CCDC169: variants seen among roughly 807,000 people sequenced by gnomAD.
CCDC169 encodes the protein coiled-coil domain containing 169.
Under a neutral mutation model 36.0 loss-of-function variants are expected in CCDC169, and 30 were observed. The observed-to-expected ratio is 0.83, with a 90% CI of 0.62 to 1.13. CCDC169 has a LOEUF of 1.13. CCDC169 is among the 50% of genes most tolerant of loss of function. The probability of loss-of-function intolerance (pLI) is 0.00; values close to 1 mark genes in which losing one functional copy is unlikely to be tolerated. For synonymous variants in CCDC169, 85 were observed against 81.5 expected (o/e 1.04, Z -0.23); for missense variants, 245 against 245.9 (o/e 1.00, Z 0.03).
downstream of CCDC169, chr13:36,224,613 A>T (rs765880639): frequency 6.6e-6 from 1 of 152,204 alleles, no homozygotes; most frequent in Non-Finnish European, 1.5e-5. Flanking sequence ...TATAAGGAGA[A>T]CTATAAAACA....
chr13:36,295,967 T>C, intron 1 of CCDC169, 110 bp from the exon 2 acceptor site: 1 of 627,772 alleles, frequency 1.6e-6, no homozygotes. Flanking sequence ...TGACACATTA[T>C]TTACTGAAGG....
intron 4 of CCDC169, among the ~76,000 whole-genome samples, chr13:36,272,471 C>T (rs551811009): frequency 6.6e-6 from 1 of 152,240 alleles, no homozygotes; most frequent in South Asian, 2.1e-4. Flanking sequence ...CTCAATTAAC[C>T]TTCCTGTCCT....
At chr13:36,295,951 T>G in intron 1 of CCDC169, 94 bp from the exon 2 acceptor site, 1 of 679,730 alleles carries the variant, frequency 1.5e-6, no homozygotes, top group Non-Finnish European at 2.5e-6. Context: ...CAGGAACAAT[T>G]TACTATGACA....
chr13:36,285,284 C>T (rs749576384), intron 2 of CCDC169, among the ~76,000 whole-genome samples: 21 of 152,120 alleles, frequency 1.4e-4, no homozygotes, highest in Non-Finnish European at 2.2e-4. Context: ...CACGGTGGCT[C>T]ACACCTGTAA....
intron 1 of CCDC169, 72 bp from the exon 2 acceptor site, chr13:36,295,929 C>A (rs1879423132): frequency 5.0e-6 from 4 of 804,202 alleles, no homozygotes. Flanking sequence ...ACATAGTAAC[C>A]CACTACTACT....
At chr13:36,224,052 T>C (rs1869740928), downstream of CCDC169, 1 of 152,150 alleles carries the variant, frequency 6.6e-6, no homozygotes, top group Non-Finnish European at 1.5e-5. Context: ...TATAGCTCTT[T>C]ATAAATTTTT....
At chr13:36,229,439 G>A (rs1870181473), downstream of CCDC169, among the ~76,000 whole-genome samples, 1 of 151,922 alleles carries the variant, frequency 6.6e-6, no homozygotes, top group Non-Finnish European at 1.5e-5. Context: ...CCCAGTGATT[G>A]AGATAACTTT....
At chr13:36,272,424 A>T (rs980996495) in intron 4 of CCDC169, among the ~76,000 whole-genome samples, 1 of 152,180 alleles carries the variant, frequency 6.6e-6, no homozygotes, top group Non-Finnish European at 1.5e-5. Flanking sequence ...AAGTAGTAAC[A>T]CATGTAAAAA....
chr13:36,270,403 G>A (rs1875885249), intron 4 of CCDC169, among the ~76,000 whole-genome samples: 3 of 151,528 alleles, frequency 2.0e-5, no homozygotes, highest in African/African-American at 4.9e-5. Flanking sequence ...CATTTTTCAC[G>A]GAATTAGAAA....
intron 4 of CCDC169, chr13:36,280,847 G>A (rs1246304862): frequency 6.6e-6 from 1 of 152,282 alleles, no homozygotes; most frequent in Non-Finnish European, 1.5e-5. Context: ...CACTTTAAAT[G>A]ACTTTGTGTG....
chr13:36,224,621 ACAC>A (rs2138356254), downstream of CCDC169: 1 of 152,314 alleles, frequency 6.6e-6, no homozygotes, highest in South Asian at 2.1e-4. Flanking sequence ...GAACTATAAA[ACAC>A]CACCAAAAGA....
At chr13:36,258,294 G>T (rs1353480345) in intron 4 of CCDC169, among the ~76,000 whole-genome samples, 1 of 152,130 alleles carries the variant, frequency 6.6e-6, no homozygotes, top group African/African-American at 2.4e-5. Flanking sequence ...CCCTACAGAG[G>T]TTTTTGTCAG....
intron 4 of CCDC169, among the ~76,000 whole-genome samples, chr13:36,265,326 G>A (rs950456747): frequency 1.3e-5 from 2 of 152,124 alleles, no homozygotes; most frequent in African/African-American, 2.4e-5. Flanking sequence ...ATATATACAC[G>A]TTCTAGTTGA....
chr13:36,277,525 C>A (rs1043277520), intron 4 of CCDC169, among the ~76,000 whole-genome samples: 1 of 152,110 alleles, frequency 6.6e-6, no homozygotes, highest in African/African-American at 2.4e-5. Flanking sequence ...GGCTACAGGT[C>A]TTTGCTGAAC....
Position 36,253,831 on chromosome 13 carries a change from C to A in CCDC169, c.440G>T (p.Arg147Leu), listed in dbSNP as rs868484213. 15 of 1,551,084 alleles carry A rather than the reference C, an allele frequency of 9.7e-6. 1 individual carries two copies. In the Middle Eastern group the frequency reaches 2.5e-3, roughly 259 times the overall value. Residue 147 changes from arginine to leucine, a missense_variant, in exon 6 of 8, where the codon CGC becomes CTC. Transcript: ENST00000239859. Reference sequence around the variant, plus strand: ...AGACATTTCAGCTAGGTATGTACGGCGTTCATTGTTGATCTTCTGGTAAGC... The same window carrying A: ...AGACATTTCAGCTAGGTATGTACGGAGTTCATTGTTGATCTTCTGGTAAGC... ...SKAYQKINNERRTYLAEMSQG... is the reference protein window; with the variant it reads ...SKAYQKINNELRTYLAEMSQG...
downstream of CCDC169, chr13:36,226,632 T>C (rs1418971225): frequency 6.6e-6 from 1 of 152,430 alleles, no homozygotes; most frequent in African/African-American, 2.4e-5. Flanking sequence ...AATGAAATCA[T>C]GTCCTTTGTA....
At chr13:36,248,574 G>T (rs9315402) in intron 7 of CCDC169, 32 bp downstream of exon 7, 713,479 of 1,540,678 alleles carry the variant, frequency 0.46, 167,937 homozygotes, top group Non-Finnish European at 0.48. Context: ...CAAATGTAAC[G>T]AATTAGAAAG....
rs924081056 is a variant in CCDC169 at position 36,281,309 on chromosome 13, T to C, written c.315+2160A>G. On this transcript the variant is annotated intron_variant, in intron 4 of 7. Coordinates refer to ENST00000239859, the MANE Select transcript of CCDC169 (RefSeq NM_001144981.3). ...AAAGAGAAAAAAAAAACTTTACTTGTTTAAACCTTTCTCTTACATTCTGCC... is the reference window on the plus strand; with the variant it reads ...AAAGAGAAAAAAAAAACTTTACTTGCTTAAACCTTTCTCTTACATTCTGCC... 34 of 441,898 alleles carry C rather than the reference T, an allele frequency of 7.7e-5. 1 individual carries two copies. In the Admixed American group the frequency reaches 8.5e-4, roughly 11 times the overall value. 27.4% of individuals were successfully genotyped at this position (441,898 alleles called of 1,614,324 possible).
intron 6 of CCDC169, among the ~76,000 whole-genome samples, chr13:36,250,927 G>A (rs1252379755): frequency 6.6e-6 from 1 of 152,150 alleles, no homozygotes; most frequent in Non-Finnish European, 1.5e-5. Flanking sequence ...TGAGCTAAAA[G>A]CATTATATTC....
Sources: gnomAD v4.1 joint callset for allele counts (sites outside exome capture counted in the v4.1 genomes callset) on GRCh38, gnomAD v4.1.1 for gene constraint, MANE v1.5 for transcripts, NCBI Gene and HGNC (gene_info 2026-07-23, HGNC 2026-07-21) for gene names.